The following PNPLA7 variants were observed in gnomAD, a reference collection of about 807,000 sequenced individuals.
The protein encoded by PNPLA7 is patatin like domain 7, lysophospholipase.
In PNPLA7, 153 loss-of-function variants were observed where a neutral mutation model predicts 161.7. That is an observed-to-expected ratio of 0.95 (90% CI 0.83 to 1.08). The LOEUF is 1.08. Ranked by LOEUF, PNPLA7 falls within the 50% of genes least tolerant of loss-of-function variation. The pLI is 0.00. For missense variants in PNPLA7, 1,739 were observed against 1,856.6 expected (o/e 0.94, Z 1.16); for synonymous variants, 809 against 782.1 (o/e 1.03, Z -0.57).
At chr9:137,487,674 C>T (rs2132190517) in intron 20 of PNPLA7, among the ~76,000 whole-genome samples, 1 of 152,366 alleles carries the variant, frequency 6.6e-6, no homozygotes, top group South Asian at 2.1e-4. Flanking sequence ...TAAAACCCTC[C>T]ACACGTGTTC....
In PNPLA7 at chr9:137,484,581, G is replaced by C. The variant is rs775712740; in HGVS notation, c.2347+6C>G. The C allele has an allele frequency of 3.8e-6, 6 of 1,594,588 alleles. No homozygotes were observed. Among genetic ancestry groups the C allele is most frequent in the Non-Finnish European group, 5.1e-6 (6 of 1,167,150 alleles). ...GATGGCTGGAGGCTGGGAGGCTCAGGCTTACCGATGGCGCTGAGGGCATGC... is the reference window on the plus strand; with the variant it reads ...GATGGCTGGAGGCTGGGAGGCTCAGCCTTACCGATGGCGCTGAGGGCATGC... On this transcript the variant is annotated splice_donor_region_variant and intron_variant, in intron 21 of 34. Transcript: ENST00000406427.
At chr9:137,517,174 AC>A (rs1834637740) in intron 11 of PNPLA7, among the ~76,000 whole-genome samples, 1 of 72,256 alleles carries the variant, frequency 1.4e-5, no homozygotes, top group African/African-American at 5.5e-5. Context: ...TCCATCCCCC[AC>A]TCACTCACTC....
intron 20 of PNPLA7, 123 bp downstream of exon 20, chr9:137,492,890 G>A (rs1832847237): frequency 1.3e-6 from 1 of 799,652 alleles, no homozygotes; most frequent in African/African-American, 1.8e-5. Context: ...TGGACTGGGT[G>A]GGCAGGGCTC....
chr9:137,477,564 C>T (rs1259465026), intron 25 of PNPLA7, among the ~76,000 whole-genome samples: 3 of 152,136 alleles, frequency 2.0e-5, no homozygotes, highest in Non-Finnish European at 4.4e-5. Flanking sequence ...ATTCTCCTGC[C>T]TCAGCCTCCA....
Position 137,460,208 on chromosome 9 carries a change from G to T in PNPLA7, c.*185C>A, listed in dbSNP as rs1353832710. The T allele has an allele frequency of 1.7e-6, 1 of 571,778 alleles. No homozygotes were observed. The highest frequency in any genetic ancestry group is 2.9e-5 in the East Asian group (1 of 33,984). 35.4% of individuals were successfully genotyped at this position (571,778 alleles called of 1,614,324 possible). A position where few individuals can be genotyped will look rare whatever the true frequency, so the allele number is the denominator to read the frequency against. The stretch of plus-strand genomic sequence containing the variant: ...TCACAGGACTGCAGGGGGGCTCACA[G>T]GGCCCTGTATGCAGGGCTGCTGGTA... On this transcript the variant is annotated 3_prime_UTR_variant, in exon 35 of 35. Coordinates refer to ENST00000406427, the MANE Select transcript of PNPLA7 (RefSeq NM_001098537.3).
At chr9:137,488,505 GCA>G (rs1832606503) in intron 20 of PNPLA7, among the ~76,000 whole-genome samples, 1 of 152,234 alleles carries the variant, frequency 6.6e-6, no homozygotes, top group South Asian at 2.1e-4. Flanking sequence ...AGAGCTCGAG[GCA>G]GCTCTCGCAA....
chr9:137,508,265 C>T (rs1166637506), intron 12 of PNPLA7, among the ~76,000 whole-genome samples: 1 of 151,972 alleles, frequency 6.6e-6, no homozygotes, highest in Non-Finnish European at 1.5e-5. Flanking sequence ...AACTAGATAG[C>T]CATTTAGAAA....
Position 137,468,003 on chromosome 9 carries a change from C to T in PNPLA7, c.2883-530G>A, listed in dbSNP as rs1023465258. 5.9e-5 allele frequency among the ~76,000 whole-genome samples: 9 copies of T among 152,134 alleles called. No homozygotes were observed. The highest frequency in any genetic ancestry group is 2.2e-4 in the African/African-American group (9 of 41,418). On this transcript the variant is annotated intron_variant, in intron 25 of 34. Coordinates refer to ENST00000406427, the MANE Select transcript of PNPLA7 (RefSeq NM_001098537.3). The surrounding 1 kb of genome is among the most constrained non-coding windows in gnomAD (Gnocchi z 4.0). Reference sequence around the variant, plus strand: ...GGGAGGAAGGTGTCCTGAGAGTTGACCGGCATTGGCCTCTTCTACCCGGAA... The same window carrying T: ...GGGAGGAAGGTGTCCTGAGAGTTGATCGGCATTGGCCTCTTCTACCCGGAA...
At chr9:137,495,234 G>C (rs1832990272) in intron 18 of PNPLA7, 88 bp from the exon 19 acceptor site, 3 of 895,272 alleles carry the variant, frequency 3.4e-6, no homozygotes, top group Non-Finnish European at 5.1e-6. Flanking sequence ...GTGCCTGCCA[G>C]AGCCACACAT....
At chr9:137,479,012 G>A in intron 24 of PNPLA7, 44 bp downstream of exon 24, 2 of 1,502,526 alleles carry the variant, frequency 1.3e-6, no homozygotes, top group Non-Finnish European at 1.8e-6. Flanking sequence ...TCGAGGAAAT[G>A]AACCACGGAG....
At chr9:137,492,967 T>C (rs1218787949) in intron 20 of PNPLA7, 46 bp downstream of exon 20, 5 of 1,579,156 alleles carry the variant, frequency 3.2e-6, no homozygotes, top group African/African-American at 1.4e-5. Flanking sequence ...GCTCCAGGAC[T>C]GGGTGAGGGC....
chr9:137,542,662 C>G lies in PNPLA7; in HGVS notation c.646G>C (p.Glu216Gln), dbSNP rs763391720. Residue 216 changes from glutamate to glutamine, a missense_variant, in exon 7 of 35, where the codon GAG (glutamate) becomes CAG (glutamine). Coordinates refer to ENST00000406427, the MANE Select transcript of PNPLA7 (RefSeq NM_001098537.3). The part of the protein sequence containing the change: ...SICVVQDGRL[E>Q]VCIQDTDGTE... ...CTCACAGTGTCCTGGATGCAGACCT[C>G]CAGCCGCCCGTCCTGCACCACACAG... 6.2e-6 allele frequency: 10 copies of G among 1,610,524 alleles called. No individual in the cohort carries two copies. The East Asian group carries it at 2.2e-4, about 36-fold the overall frequency.
chr9:137,519,654 TGG>T (rs1215018039), intron 11 of PNPLA7, among the ~76,000 whole-genome samples: 1 of 137,714 alleles, frequency 7.3e-6, no homozygotes, highest in African/African-American at 3.2e-5. Flanking sequence ...TGATGAGACC[TGG>T]GGGGCATGTG....
chr9:137,515,245 C>T, intron 12 of PNPLA7, 134 bp downstream of exon 12: 2 of 1,204,448 alleles, frequency 1.7e-6, no homozygotes, highest in Non-Finnish European at 1.1e-6. Flanking sequence ...GCACAGGCCC[C>T]CCTGGGCACG....
chr9:137,510,500 C>G (rs1328674249), intron 12 of PNPLA7, among the ~76,000 whole-genome samples: 22 of 152,216 alleles, frequency 1.4e-4, no homozygotes, highest in Admixed American at 1.4e-3. Flanking sequence ...CAGGGAAGGG[C>G]CCCCTGTCCA....
chr9:137,518,299 A>G (rs1356182456), intron 11 of PNPLA7, among the ~76,000 whole-genome samples: 5 of 104,490 alleles, frequency 4.8e-5, no homozygotes, highest in African/African-American at 1.4e-4. Flanking sequence ...CCACTCACTG[A>G]CTCCACTCTG....
At chr9:137,491,898 G>T (rs1318317568) in intron 20 of PNPLA7, 1 of 985,356 alleles carries the variant, frequency 1.0e-6, no homozygotes, top group African/African-American at 1.7e-5. Context: ...AGGGAGCTGA[G>T]AGTGCTGGGC....
At position 137,500,647 on chromosome 9, in the gene PNPLA7, G is replaced by A. The variant is rs552995304; in HGVS notation, c.1757+44C>T. On this transcript the variant is annotated intron_variant, in intron 16 of 34. Coordinates refer to ENST00000406427, the MANE Select transcript of PNPLA7 (RefSeq NM_001098537.3). The surrounding 1 kb of genome is among the most constrained non-coding windows in gnomAD (Gnocchi z 5.5). ...CACGCGGGGAGGGGTCTCAGGGCAG[G>A]GGGGGCTGGGGCCCGCCCTGAGGTC... is the stretch of plus-strand genomic sequence containing the variant. The A allele has an allele frequency of 1.3e-6, 2 of 1,590,276 alleles. No homozygotes were observed. The highest frequency in any genetic ancestry group is 2.7e-5 in the African/African-American group (2 of 74,474).
chr9:137,504,106 A>AAG (rs1564326162), intron 14 of PNPLA7, among the ~76,000 whole-genome samples: 2,975 of 133,518 alleles, frequency 0.022, 111 homozygotes, highest in African/African-American at 0.078. Context: ...GAAGAAGAAG[A>AAG]AAGAAAGAAG....
Sources: allele counts gnomAD v4.1 joint callset (sites outside exome capture counted in the v4.1 genomes callset), GRCh38; gene constraint gnomAD v4.1.1; non-coding constraint Gnocchi (gnomAD v3.1); transcripts MANE v1.5; gene names NCBI Gene and HGNC (gene_info 2026-07-23, HGNC 2026-07-21).